RBFOX1: variants seen among roughly 807,000 people sequenced by gnomAD.
RBFOX1 encodes RNA binding fox-1 homolog 1.
In RBFOX1, 8 loss-of-function variants were observed where a neutral mutation model predicts 57.7. The observed-to-expected ratio is 0.14, with a 90% CI of 0.08 to 0.25. The LOEUF (loss-of-function observed/expected upper bound fraction) is 0.25. Ranked by LOEUF, RBFOX1 falls within the 10% of genes least tolerant of loss-of-function variation. The pLI, the probability that RBFOX1 is intolerant of heterozygous loss-of-function variation, is 1.00. For synonymous variants in RBFOX1, 326 were observed against 222.4 expected, an observed-to-expected ratio of 1.47 and a Z score of -4.15; for missense variants, 611 against 548.5, an observed-to-expected ratio of 1.11 and a Z score of -1.14.
intron 3 of RBFOX1, among the ~76,000 whole-genome samples, chr16:6,936,787 T>G (rs748660134): frequency 6.6e-6 from 1 of 152,086 alleles, no homozygotes; most frequent in Non-Finnish European, 1.5e-5. Context: ...AATTGTTGCC[T>G]CTTGAAAGCC....
At chr16:5,510,123 A>G (rs1029640538) in intron 2 of RBFOX1, among the ~76,000 whole-genome samples, 15 of 152,342 alleles carry the variant, frequency 9.8e-5, no homozygotes, top group Middle Eastern at 3.4e-3. Context: ...GGCTGAACCT[A>G]CGAGCTGTGT....
At chr16:6,143,399 T>C (rs557266833) in intron 1 of RBFOX1, among the ~76,000 whole-genome samples, 2 of 152,328 alleles carry the variant, frequency 1.3e-5, no homozygotes, top group African/African-American at 4.8e-5. Context: ...GTCTCAAGTA[T>C]TATTTCATCA....
Position 7,710,707 on chromosome 16 carries a change from A to G in RBFOX1, c.1156A>G (p.Ile386Val). Reference sequence around the variant, plus strand: ...CGTTCTTTCTTCATTGCAGGCTAGTATATACCGAGGGGGATACAACCGTTT... The same window carrying G: ...CGTTCTTTCTTCATTGCAGGCTAGTGTATACCGAGGGGGATACAACCGTTT... ...GLVLSSLQASIYRGGYNRFAP... is the reference protein window; with the variant it reads ...GLVLSSLQASVYRGGYNRFAP... Residue 386 changes from isoleucine to valine, a missense_variant, in exon 16 of 16, where the codon ATA (isoleucine) becomes GTA (valine). Coordinates refer to ENST00000550418, the MANE Select transcript of RBFOX1 (RefSeq NM_018723.4). The G allele has an allele frequency of 6.2e-7, 1 of 1,611,242 alleles. No homozygotes were observed. Among genetic ancestry groups the G allele is most frequent in the Non-Finnish European group, 8.5e-7 (1 of 1,178,568 alleles).
chr16:7,274,542 C>G (rs962833362), intron 4 of RBFOX1, among the ~76,000 whole-genome samples: 29 of 152,272 alleles, frequency 1.9e-4, no homozygotes, highest in African/African-American at 7.0e-4. Context: ...TCTGTACTTG[C>G]TTCTGACACT....
intron 4 of RBFOX1, among the ~76,000 whole-genome samples, chr16:7,142,977 A>G (rs1600818929): frequency 6.6e-6 from 1 of 151,164 alleles, no homozygotes; most frequent in South Asian, 2.1e-4. Flanking sequence ...CCCTTGAGAT[A>G]TGACTCCAAA....
At chr16:7,652,778 T>A (rs1018051392) in intron 11 of RBFOX1, among the ~76,000 whole-genome samples, 4 of 152,212 alleles carry the variant, frequency 2.6e-5, no homozygotes, top group African/African-American at 4.8e-5. Context: ...TGCCTTTGCC[T>A]TTAAATGCTG....
intron 2 of RBFOX1, among the ~76,000 whole-genome samples, chr16:6,497,943 C>G (rs932634712): frequency 3.9e-5 from 6 of 152,050 alleles, no homozygotes; most frequent in Admixed American, 3.9e-4. Flanking sequence ...TCACTGTTAC[C>G]CATGTCAAAA....
intron 3 of RBFOX1, among the ~76,000 whole-genome samples, chr16:5,814,189 C>T (rs1206830349): frequency 1.3e-5 from 2 of 152,156 alleles, no homozygotes; most frequent in Admixed American, 6.5e-5. Flanking sequence ...GCCCACATCC[C>T]TTGGTCTGCA....
chr16:7,242,823 G>T (rs1417260297), intron 4 of RBFOX1, among the ~76,000 whole-genome samples: 2 of 152,198 alleles, frequency 1.3e-5, no homozygotes, highest in Admixed American at 1.3e-4. Flanking sequence ...ATTCAGACCC[G>T]ACTGACTTTG....
At chr16:6,932,942 G>A (rs1049496081) in intron 3 of RBFOX1, among the ~76,000 whole-genome samples, 2 of 152,198 alleles carry the variant, frequency 1.3e-5, no homozygotes, top group South Asian at 2.1e-4. Context: ...TCTCCTTTCT[G>A]TCTTTATGAA....
intron 4 of RBFOX1, among the ~76,000 whole-genome samples, chr16:5,916,474 G>A (rs11644908): frequency 0.056 from 8,493 of 152,008 alleles, 280 homozygotes; most frequent in Middle Eastern, 0.085. Flanking sequence ...CTTGACCATT[G>A]CTTCCATCTA....
chr16:7,036,224 G>C (rs2044377057), intron 3 of RBFOX1, among the ~76,000 whole-genome samples: 2 of 150,060 alleles, frequency 1.3e-5, no homozygotes, highest in Admixed American at 6.6e-5. Context: ...TTCCATGACA[G>C]CCTTGTAGTT....
intron 2 of RBFOX1, among the ~76,000 whole-genome samples, chr16:6,642,729 A>T (rs2098502500): frequency 6.6e-6 from 1 of 152,050 alleles, no homozygotes; most frequent in South Asian, 2.1e-4. Context: ...TTGGTTGGGG[A>T]TCGTTTTGTA....
intron 2 of RBFOX1, among the ~76,000 whole-genome samples, chr16:6,558,214 T>C (rs530925272): frequency 5.5e-4 from 84 of 152,242 alleles, no homozygotes; most frequent in African/African-American, 1.9e-3. Flanking sequence ...GGGTTAGTGA[T>C]GGGTGAAATG....
chr16:7,566,768 G>C (rs1274973675), intron 5 of RBFOX1, among the ~76,000 whole-genome samples: 1 of 152,032 alleles, frequency 6.6e-6, no homozygotes, highest in Non-Finnish European at 1.5e-5. Flanking sequence ...CTCAGGATAG[G>C]GGAGAAGCAA....
At chr16:6,939,917 T>A (rs2078061882) in intron 3 of RBFOX1, among the ~76,000 whole-genome samples, 1 of 152,226 alleles carries the variant, frequency 6.6e-6, no homozygotes, top group African/African-American at 2.4e-5. Context: ...ATGCATAATT[T>A]AATCACAACT....
In RBFOX1 at chr16:7,232,033, C is replaced by CT. The variant is rs892466268; in HGVS notation, c.27+179945dup. Among the ~76,000 whole-genome samples the CT allele has an allele frequency of 3.0e-3, 450 of 148,420 alleles. 2 individuals carry two copies. Among genetic ancestry groups the CT allele is most frequent in the Non-Finnish European group, 4.6e-3 (310 of 66,818 alleles). Reference sequence around the variant, plus strand: ...GAACAAAATGCCACTGAATTGTTTCCTTTTTTTTTTGAGACAGAGTCTCGG... The same window carrying CT: ...GAACAAAATGCCACTGAATTGTTTCCTTTTTTTTTTTGAGACAGAGTCTCGG... On this transcript the variant is annotated intron_variant, in intron 4 of 15. Coordinates refer to ENST00000550418, the MANE Select transcript of RBFOX1 (RefSeq NM_018723.4).
At chr16:7,445,371 C>G (rs569262158) in intron 4 of RBFOX1, among the ~76,000 whole-genome samples, 1 of 152,148 alleles carries the variant, frequency 6.6e-6, no homozygotes, top group South Asian at 2.1e-4. Flanking sequence ...CCATGGGTCT[C>G]CAGTACCCTT....
chr16:6,920,445 T>TA (rs1315021963), intron 3 of RBFOX1, among the ~76,000 whole-genome samples: 1 of 152,170 alleles, frequency 6.6e-6, no homozygotes, highest in Non-Finnish European at 1.5e-5. Context: ...TTTAAGTTGA[T>TA]ACGAAAAAGT....
Sources: allele counts gnomAD v4.1 joint callset (sites outside exome capture counted in the v4.1 genomes callset), GRCh38; gene constraint gnomAD v4.1.1; transcripts MANE v1.5; gene names NCBI Gene and HGNC (gene_info 2026-07-23, HGNC 2026-07-21).